FAM228B: variants seen among roughly 807,000 people sequenced by gnomAD.
FAM228B encodes protein FAM228B.
FAM228B carries 38 observed loss-of-function variants against 42.6 expected under a neutral mutation model. That is an observed-to-expected ratio of 0.89 (90% CI 0.69 to 1.17). The LOEUF is 1.17. FAM228B is among the 50% of genes most tolerant of loss of function. The pLI is 0.00. For synonymous variants in FAM228B, 109 were observed against 122.3 expected (o/e 0.89, Z 0.72); for missense variants, 344 against 367.3 (o/e 0.94, Z 0.52).
In FAM228B at chr2:24,108,331, C is replaced by G. The variant is rs191595968; in HGVS notation, c.-121+13102C>G. 8.9e-3 allele frequency among the ~76,000 whole-genome samples: 1,347 copies of G among 152,090 alleles called. 11 individuals carry two copies. The highest frequency in any genetic ancestry group is 0.031 in the African/African-American group (1,286 of 41,488). ...CAAACAAACAAAAAAGGTCCAGGACCAGAGGGATTCTCAGCCAAATTCTAC... is the reference window on the plus strand; with the variant it reads ...CAAACAAACAAAAAAGGTCCAGGACGAGAGGGATTCTCAGCCAAATTCTAC... On this transcript the variant is annotated intron_variant, in intron 3 of 10. Transcript: ENST00000613899.
rs191360469 is a variant in FAM228B, at chr2:24,167,638, C to G, written c.944C>G (p.Pro315Arg). 6.4e-7 allele frequency: 1 copy of G among 1,551,610 alleles called. No homozygotes were observed. The change falls in exon 10 of 11, where the codon CCG becomes CGG. Residue 315 changes from proline to arginine, a missense_variant. Coordinates refer to ENST00000615575, the MANE Select transcript of FAM228B (RefSeq NM_001145710.2). ...REEDQDGSPS[P>R]RLGLLKLEL ...AATCTTCATTTAAGGTCTCCCTCCC[C>G]GCGTTTGGGGCTGCTGAAGCTGGAG...
intron 2 of FAM228B, among the ~76,000 whole-genome samples, chr2:24,091,302 G>A (rs1420060680): frequency 3.3e-5 from 5 of 152,092 alleles, no homozygotes; most frequent in African/African-American, 4.8e-5. Flanking sequence ...GCGTGGTGGC[G>A]GGCGCCAGTA....
intron 3 of FAM228B, among the ~76,000 whole-genome samples, chr2:24,112,296 C>CTTTTT (rs397984067): frequency 1.0e-5 from 1 of 95,744 alleles, no homozygotes; most frequent in East Asian, 3.1e-4. Flanking sequence ...AAGCTTTCAT[C>CTTTTT]TTTTTTTTTT....
intron 2 of FAM228B, chr2:24,082,978 G>T: frequency 6.2e-7 from 1 of 1,614,198 alleles, no homozygotes; most frequent in Non-Finnish European, 8.5e-7. Context: ...GGCATGAGGA[G>T]CCCTTCGGGG....
intron 2 of FAM228B, among the ~76,000 whole-genome samples, chr2:24,083,557 G>A (rs1223133189): frequency 2.0e-5 from 3 of 152,180 alleles, no homozygotes; most frequent in African/African-American, 7.2e-5. Flanking sequence ...AGGAGTGTGT[G>A]GCAGAACCAC....
chr2:24,115,467 T>C (rs1665883034), intron 3 of FAM228B: 3 of 851,286 alleles, frequency 3.5e-6, no homozygotes, highest in Non-Finnish European at 5.5e-6. Context: ...CCTTAATTCA[T>C]TCTTCTTTTT....
chr2:24,094,029 CTTTTTT>C (rs57620033), intron 2 of FAM228B, among the ~76,000 whole-genome samples: 8 of 77,390 alleles, frequency 1.0e-4, no homozygotes, highest in South Asian at 4.4e-4. Context: ...TCGCCACATA[CTTTTTT>C]TTTTTTTTTT....
chr2:24,122,275 G>T, upstream of FAM228B: 1 of 651,012 alleles, frequency 1.5e-6, no homozygotes, highest in Non-Finnish European at 2.7e-6. Context: ...GCAGTGAGCT[G>T]AGATCATGCC....
rs1558362660 is a variant in FAM228B, at chr2:24,084,252, C to CG, written c.-210+3300dup. 6.2e-7 allele frequency: 1 copy of CG among 1,614,016 alleles called. No individual in the cohort carries two copies. The highest frequency in any genetic ancestry group is 8.5e-7 in the Non-Finnish European group (1 of 1,180,014). On this transcript the variant is annotated intron_variant, in intron 2 of 10. Transcript: ENST00000613899. The surrounding 1 kb of genome is among the most constrained non-coding windows in gnomAD (Gnocchi z 8.4). ...CCTTCAGGAGGACTTCACCCTCCCCCGGGCTCGGCTTGGCCACCTCCTTCA... is the reference window on the plus strand; with the variant it reads ...CCTTCAGGAGGACTTCACCCTCCCCCGGGGCTCGGCTTGGCCACCTCCTTCA...
At chr2:24,139,307 G>C (rs1666691653) in intron 4 of FAM228B, 63 bp from the exon 5 acceptor site, 1 of 966,064 alleles carries the variant, frequency 1.0e-6, no homozygotes, top group African/African-American at 1.7e-5. Context: ...CTCAAGTCCT[G>C]ATATGCTCAA....
chr2:24,120,288 A>ACAG (rs1374520004), upstream of FAM228B, among the ~76,000 whole-genome samples: 126 of 151,420 alleles, frequency 8.3e-4, no homozygotes, highest in African/African-American at 3.0e-3. Flanking sequence ...AACAACAACA[A>ACAG]AACAAAACAA....
intron 3 of FAM228B, among the ~76,000 whole-genome samples, chr2:24,101,571 G>A (rs1665604816): frequency 6.6e-6 from 1 of 151,978 alleles, no homozygotes; most frequent in South Asian, 2.1e-4. Context: ...TCTTAATGAT[G>A]GTAGGGCTGA....
intron 7 of FAM228B, among the ~76,000 whole-genome samples, chr2:24,159,071 G>A (rs1289228684): frequency 6.6e-6 from 1 of 152,114 alleles, no homozygotes; most frequent in Non-Finnish European, 1.5e-5. Flanking sequence ...TCTTCTCTCT[G>A]TGTCTGTGTC....
At chr2:24,096,160 C>T (rs1665493301) in intron 3 of FAM228B, 1 of 152,164 alleles carries the variant, frequency 6.6e-6, no homozygotes, top group Non-Finnish European at 1.5e-5. Flanking sequence ...GTAGATAAAA[C>T]CACAAAGATG....
At chr2:24,126,827 C>T (rs529682049) in intron 2 of FAM228B, among the ~76,000 whole-genome samples, 295 of 152,022 alleles carry the variant, frequency 1.9e-3, no homozygotes, top group African/African-American at 6.9e-3. Context: ...GGTTTCACCA[C>T]GTTAGCCAGG....
Position 24,080,804 on chromosome 2 carries a change from G to T in FAM228B, c.-289-72G>T. The T allele has an allele frequency of 6.2e-7, 1 of 1,613,718 alleles. No individual in the cohort carries two copies. The highest frequency in any genetic ancestry group is 8.5e-7 in the Non-Finnish European group (1 of 1,179,664). On this transcript the variant is annotated intron_variant, in intron 1 of 10. Transcript: ENST00000613899. The surrounding 1 kb of genome is among the most constrained non-coding windows in gnomAD (Gnocchi z 4.7). ...TCTCTTAAATTCCTGCTGAACTGTA[G>T]AAGCAGTTGTTTACCTTTGGTGAAT...
At chr2:24,167,807 G>T (rs1667462802) in intron 10 of FAM228B, 124 bp downstream of exon 10, 1 of 1,134,854 alleles carries the variant, frequency 8.8e-7, no homozygotes. Context: ...TGGGTGGGTA[G>T]GAAAGTTCTT....
At chr2:24,120,234 A>AT (rs1666061793), upstream of FAM228B, among the ~76,000 whole-genome samples, 1 of 151,760 alleles carries the variant, frequency 6.6e-6, no homozygotes, top group Non-Finnish European at 1.5e-5. Flanking sequence ...GTGCCATTGC[A>AT]CTCCAGCCTG....
chr2:24,090,888 T>A (rs7568176), intron 2 of FAM228B, among the ~76,000 whole-genome samples: 17,717 of 152,132 alleles, frequency 0.12, 1,240 homozygotes, highest in South Asian at 0.18. Flanking sequence ...TATGGCTCAA[T>A]TGAACCTCCC....
Sources: gnomAD v4.1 joint callset for allele counts (sites outside exome capture counted in the v4.1 genomes callset) on GRCh38, gnomAD v4.1.1 for gene constraint, Gnocchi (gnomAD v3.1) non-coding constraint, MANE v1.5 for transcripts, NCBI Gene and HGNC (gene_info 2026-07-23, HGNC 2026-07-21) for gene names.